The following SRBD1 variants were observed in gnomAD, a reference collection of about 807,000 sequenced individuals.
The protein encoded by SRBD1 is S1 RNA binding domain 1.
A neutral mutation model predicts 115.3 loss-of-function variants in SRBD1; 88 were observed. The ratio of observed to expected loss-of-function variants is 0.76; its 90% CI spans 0.64 to 0.91. The LOEUF (loss-of-function observed/expected upper bound fraction) is 0.91, where lower values mean the gene tolerates loss of function less well. SRBD1 is among the 40% of genes least tolerant of loss of function. The pLI is 0.00. For missense variants in SRBD1, 1,385 were observed against 1,177.4 expected, an observed-to-expected ratio of 1.18 and a Z score of -2.58; for synonymous variants, 509 against 407.7, an observed-to-expected ratio of 1.25 and a Z score of -2.99.
intron 7 of SRBD1, among the ~76,000 whole-genome samples, chr2:45,575,322 C>T (rs1673143689): frequency 6.6e-6 from 1 of 152,198 alleles, no homozygotes; most frequent in South Asian, 2.1e-4. Context: ...TACAGATGAG[C>T]ATTAAGTTCT....
chr2:45,513,979 A>C (rs1196808495), intron 14 of SRBD1, among the ~76,000 whole-genome samples: 1 of 152,132 alleles, frequency 6.6e-6, no homozygotes, highest in Non-Finnish European at 1.5e-5. Flanking sequence ...GATGATTTGG[A>C]CTTAAGTCCA....
chr2:45,439,966 A>G (rs574702821), intron 16 of SRBD1, among the ~76,000 whole-genome samples: 1 of 152,250 alleles, frequency 6.6e-6, no homozygotes, highest in East Asian at 1.9e-4. Flanking sequence ...CTGCAATCTG[A>G]TAGCAGATGT....
chr2:45,453,366 G>A (rs1046276876), intron 16 of SRBD1, among the ~76,000 whole-genome samples: 1 of 151,606 alleles, frequency 6.6e-6, no homozygotes, highest in Non-Finnish European at 1.5e-5. Context: ...CCCCTCCAGA[G>A]TTAAGCACTT....
At chr2:45,449,826 T>C (rs887450704) in intron 16 of SRBD1, among the ~76,000 whole-genome samples, 28 of 152,162 alleles carry the variant, frequency 1.8e-4, no homozygotes, top group African/African-American at 6.8e-4. Context: ...ACTAGAGTCA[T>C]CTTGAGTCAA....
At chr2:45,582,922 C>T (rs1171021786) in intron 5 of SRBD1, among the ~76,000 whole-genome samples, 1 of 152,094 alleles carries the variant, frequency 6.6e-6, no homozygotes, top group Non-Finnish European at 1.5e-5. Flanking sequence ...CTAAAAAGAA[C>T]CAGGATTCCA....
intron 15 of SRBD1, among the ~76,000 whole-genome samples, chr2:45,477,939 G>T: frequency 6.8e-6 from 1 of 146,972 alleles, no homozygotes; most frequent in African/African-American, 2.5e-5. Flanking sequence ...ACTGTGTCAT[G>T]ATTTTACTTG....
At chr2:45,518,145 C>T (rs1037839946) in intron 14 of SRBD1, among the ~76,000 whole-genome samples, 2 of 151,826 alleles carry the variant, frequency 1.3e-5, no homozygotes, top group Non-Finnish European at 2.9e-5. Context: ...AACTGAAATA[C>T]AATAATATAT....
chr2:45,414,785 C>CAGTGTGTAT (rs1558563497), intron 18 of SRBD1, among the ~76,000 whole-genome samples: 1 of 56,350 alleles, frequency 1.8e-5, no homozygotes, highest in Non-Finnish European at 4.3e-5. Flanking sequence ...TACACACACA[C>CAGTGTGTAT]ATAGTGTGTA....
At chr2:45,443,583 C>T (rs1185673699) in intron 16 of SRBD1, among the ~76,000 whole-genome samples, 1 of 151,684 alleles carries the variant, frequency 6.6e-6, no homozygotes, top group Non-Finnish European at 1.5e-5. Context: ...AGTTCAGGGA[C>T]GAGATCAATG....
At chr2:45,408,907 G>T (rs971120828) in intron 19 of SRBD1, among the ~76,000 whole-genome samples, 1 of 152,074 alleles carries the variant, frequency 6.6e-6, no homozygotes, top group Admixed American at 6.6e-5. Context: ...CTAGATTATG[G>T]AAACAAACAA....
At chr2:45,472,305 G>T (rs576342277) in intron 16 of SRBD1, among the ~76,000 whole-genome samples, 1 of 152,178 alleles carries the variant, frequency 6.6e-6, no homozygotes, top group African/African-American at 2.4e-5. Flanking sequence ...GTTGTCTGGG[G>T]CTGGTAAAGA....
chr2:45,396,401 A>T (rs1336591286), intron 19 of SRBD1, among the ~76,000 whole-genome samples: 1 of 152,216 alleles, frequency 6.6e-6, no homozygotes. Flanking sequence ...TCAAAAGTCA[A>T]TGAATTATTA....
At chr2:45,573,771 A>C (rs1453448614) in intron 8 of SRBD1, among the ~76,000 whole-genome samples, 1 of 152,206 alleles carries the variant, frequency 6.6e-6, no homozygotes, top group Non-Finnish European at 1.5e-5. Flanking sequence ...TACTGAACCA[A>C]ATTTAAGTGG....
At chr2:45,400,511 C>T (rs1667264240) in intron 19 of SRBD1, among the ~76,000 whole-genome samples, 1 of 152,038 alleles carries the variant, frequency 6.6e-6, no homozygotes, top group South Asian at 2.1e-4. Flanking sequence ...AGTCTCAAAA[C>T]CCAATATTAA....
intron 14 of SRBD1, among the ~76,000 whole-genome samples, chr2:45,525,078 T>A (rs1431055027): frequency 6.6e-6 from 1 of 151,890 alleles, no homozygotes; most frequent in African/African-American, 2.4e-5. Flanking sequence ...GACTACTGGA[T>A]AGCCACAGGC....
chr2:45,389,938 C>A (rs143005315), intron 20 of SRBD1, among the ~76,000 whole-genome samples: 3 of 152,184 alleles, frequency 2.0e-5, no homozygotes, highest in Non-Finnish European at 2.9e-5. Context: ...AAAGCTAAAC[C>A]ACAAACACTG....
chr2:45,477,127 C>T, intron 15 of SRBD1, 52 bp from the exon 16 acceptor site: 2 of 1,415,714 alleles, frequency 1.4e-6, no homozygotes, highest in South Asian at 1.2e-5. Context: ...AAAGCAGTAC[C>T]TAATAATTAC....
chr2:45,446,611 G>A (rs1274122152), intron 16 of SRBD1, among the ~76,000 whole-genome samples: 1 of 151,814 alleles, frequency 6.6e-6, no homozygotes, highest in Non-Finnish European at 1.5e-5. Context: ...TTTCCCAGAA[G>A]TGAAGGACAT....
intron 7 of SRBD1, among the ~76,000 whole-genome samples, 190 bp from the exon 8 acceptor site, chr2:45,574,913 T>C (rs948349396): frequency 2.0e-5 from 3 of 152,122 alleles, no homozygotes. Context: ...AAAGCAATAA[T>C]ACAGACATAA....
Sources: allele counts gnomAD v4.1 joint callset (sites outside exome capture counted in the v4.1 genomes callset), GRCh38; gene constraint gnomAD v4.1.1; transcripts MANE v1.5; gene names NCBI Gene and HGNC (gene_info 2026-07-23, HGNC 2026-07-21).